Variants in LETM1 observed in about 807,000 individuals in gnomAD.
LETM1 encodes the protein mitochondrial proton/calcium exchanger protein.
Under a neutral mutation model 74.5 loss-of-function variants are expected in LETM1, and 50 were observed. The ratio of observed to expected loss-of-function variants is 0.67; its 90% CI spans 0.53 to 0.85. LETM1 has a LOEUF of 0.85. Among genes scored for constraint, LETM1 ranks in the 40% least tolerant of loss-of-function variants. The pLI, the probability that LETM1 is intolerant of heterozygous loss-of-function variation, is 0.00. For missense variants in LETM1, 824 were observed against 967.8 expected, an observed-to-expected ratio of 0.85 and a Z score of 1.97; for synonymous variants, 446 against 407.1, an observed-to-expected ratio of 1.10 and a Z score of -1.15.
intron 2 of LETM1, among the ~76,000 whole-genome samples, chr4:1,847,164 T>C (rs947281139): frequency 2.0e-5 from 3 of 151,828 alleles, no homozygotes; most frequent in Non-Finnish European, 4.4e-5. Context: ...AGAACCTGTC[T>C]CTACAAAAAA....
At chr4:1,833,597 A>G (rs1360790580) in intron 5 of LETM1, 7 of 157,390 alleles carry the variant, frequency 4.4e-5, no homozygotes, top group Admixed American at 4.2e-4. Flanking sequence ...AGGGGTGGCC[A>G]TCTAGCTCTT....
chr4:1,813,996 G>A lies in LETM1; in HGVS notation c.*428C>T, dbSNP rs1207988856. On this transcript the variant is annotated 3_prime_UTR_variant, in exon 14 of 14. Transcript: ENST00000302787. ...ATGGAGGCATCTTCAGCCCTGAGGA[G>A]GCCAGGCTGTGTCTCCTGACGCCCC... is the stretch of plus-strand genomic sequence containing the variant. 1.4e-5 allele frequency: 3 copies of A among 213,070 alleles called. No homozygotes were observed. The highest frequency in any genetic ancestry group is 8.9e-5 in the South Asian group (1 of 11,242). 13.2% of individuals were successfully genotyped at this position (213,070 alleles called of 1,614,324 possible).
rs756689184 is a variant in LETM1 at position 1,834,916 on chromosome 4, C to T, written c.805G>A (p.Glu269Lys). The T allele has an allele frequency of 8.7e-6, 14 of 1,614,050 alleles. No individual in the cohort carries two copies. The highest frequency in any genetic ancestry group is 4.4e-5 in the South Asian group (4 of 91,090). Residue 269 changes from glutamate to lysine, a missense_variant, in exon 5 of 14, where the codon GAG becomes AAG. Glu to Lys is a moderately conservative substitution (Grantham distance 56). Coordinates refer to ENST00000302787, the MANE Select transcript of LETM1 (RefSeq NM_012318.3). This position sits in a 1 kb window ranked among gnomAD's most constrained non-coding sequence, Gnocchi z 5.0. The stretch of plus-strand genomic sequence containing the variant: ...GCCTTGTTCTTCAAGGCCATCTCCT[C>T]GATGGTGTCCTGGAGGAACTTGGCC... ...ELAKFLQDTI[E>K]EMALKNKAAK...
At chr4:1,829,210 G>A (rs1314237177) in intron 6 of LETM1, among the ~76,000 whole-genome samples, 6 of 137,842 alleles carry the variant, frequency 4.4e-5, no homozygotes, top group African/African-American at 8.2e-5. Context: ...GCGGCTGGCC[G>A]GGCGGGGGGC....
Position 1,819,345 on chromosome 4 carries a change from T to C in LETM1, c.1736A>G (p.Tyr579Cys). The C allele has an allele frequency of 6.2e-7, 1 of 1,611,082 alleles. No homozygotes were observed. The highest frequency in any genetic ancestry group is 8.5e-7 in the Non-Finnish European group (1 of 1,179,116). Reference sequence around the variant, plus strand: ...GGAGCAAATCCCACCCACCTCGCTGTAGTCCTGCACATCCTCCTTCAGCAG... The same window carrying C: ...GGAGCAAATCCCACCCACCTCGCTGCAGTCCTGCACATCCTCCTTCAGCAG... ...LELLKEDVQD[Y>C]SEDLQEIKKE... The change falls in exon 11 of 14, where the codon TAC becomes TGC. Residue 579 changes from tyrosine (Y) to cysteine (C), a missense_variant. Tyr to Cys is a radical substitution (Grantham distance 194). Transcript: ENST00000302787.
At position 1,815,772 on chromosome 4, in the gene LETM1, G is replaced by T. The variant is rs147463751; in HGVS notation, c.1962C>A (p.Ile654=). The T allele has an allele frequency of 2.4e-5, 39 of 1,614,062 alleles. No homozygotes were observed. Among genetic ancestry groups the T allele is most frequent in the Non-Finnish European group, 3.2e-5 (38 of 1,180,028 alleles). The stretch of plus-strand genomic sequence containing the variant: ...TGTGCTTGACTTGCTTCATGGCGTT[G>T]ATGAGCTCAGCGACACTGATGACGT... ...GENVISVAEL[I]NAMKQVKHIP... is the part of the protein sequence containing the mutation. The change falls in exon 13 of 14, where the codon ATC becomes ATA. Residue 654 remains isoleucine, a synonymous_variant. Coordinates refer to ENST00000302787, the MANE Select transcript of LETM1 (RefSeq NM_012318.3).
At chr4:1,823,927 T>C (rs1711889617) in intron 7 of LETM1, 152 bp from the exon 8 acceptor site, 1 of 908,152 alleles carries the variant, frequency 1.1e-6, no homozygotes, top group Non-Finnish European at 1.6e-6. Flanking sequence ...CGTGACCCGA[T>C]GACGGCGTTA....
intron 13 of LETM1, among the ~76,000 whole-genome samples, chr4:1,815,256 C>T (rs747951850): frequency 1.3e-4 from 20 of 152,146 alleles, no homozygotes; most frequent in Non-Finnish European, 2.2e-4. Context: ...AGCTGCCCCG[C>T]GGCTCCCCTG....
chr4:1,814,570 T>C lies in LETM1; in HGVS notation c.2074A>G (p.Ile692Val). 1 of 1,613,142 alleles carries C rather than the reference T, an allele frequency of 6.2e-7. No homozygotes were observed. The highest frequency in any genetic ancestry group is 8.5e-7 in the Non-Finnish European group (1 of 1,179,472). The change falls in exon 14 of 14, where the codon ATT becomes GTT. Residue 692 changes from isoleucine (I) to valine (V), a missense_variant. Ile to Val is a conservative substitution (Grantham distance 29). Around this residue, in one of 4 missense-constraint regions of LETM1, gnomAD observed 161 missense variants for 252.7 expected, o/e 0.64. Transcript: ENST00000302787. ...ACATCTTCTTTGTCCACCAGCTCAA[T>C]CACCTACACACGTGGGAAAGGGAGA... ...KVNIDDLVKV[I>V]ELVDKEDVHI...
intron 1 of LETM1, among the ~76,000 whole-genome samples, chr4:1,852,136 G>T (rs1713089403): frequency 6.6e-6 from 1 of 152,066 alleles, no homozygotes; most frequent in Non-Finnish European, 1.5e-5. Context: ...GACCTCACAG[G>T]GTACGGGCTC....
rs908344906 is a variant in LETM1, at chr4:1,811,754, CAGA to C, written c.*2667_*2669del. ...AAAAAAAGTCTGGACTGTGACACTG[CAGA>C]AGGAGTCTGAAAGCCCAATTCCTGA... On this transcript the variant is annotated 3_prime_UTR_variant, in exon 14 of 14. Transcript: ENST00000302787. 4.6e-5 allele frequency: 7 copies of C among 152,472 alleles called. No homozygotes were observed. Among genetic ancestry groups the C allele is most frequent in the Middle Eastern group, 3.4e-3 (1 of 294 alleles). 9.4% of individuals were successfully genotyped at this position (152,472 alleles called of 1,614,324 possible).
In LETM1 at chr4:1,855,995, T is replaced by C; in HGVS notation, c.-45A>G. 8.8e-7 allele frequency: 1 copy of C among 1,140,342 alleles called. No homozygotes were observed. Among genetic ancestry groups the C allele is most frequent in the Non-Finnish European group, 1.1e-6 (1 of 913,648 alleles). 70.6% of individuals were successfully genotyped at this position (1,140,342 alleles called of 1,614,324 possible). ...GCTCCGGCCTCCTGCGCTGCCTCCTTCTCCGCGGCGGCCGCGGCTCTTCGC... is the reference window on the plus strand; with the variant it reads ...GCTCCGGCCTCCTGCGCTGCCTCCTCCTCCGCGGCGGCCGCGGCTCTTCGC... On this transcript the variant is annotated 5_prime_UTR_variant, in exon 1 of 14. Transcript: ENST00000302787.
intron 2 of LETM1, chr4:1,843,023 T>C: frequency 2.6e-6 from 1 of 380,380 alleles, no homozygotes; most frequent in Non-Finnish European, 5.3e-6. Context: ...GCCATGTGTG[T>C]CGCATAACTT....
At position 1,841,357 on chromosome 4, in the gene LETM1, T is replaced by C. The variant is rs752365763; in HGVS notation, c.584A>G (p.Glu195Gly). Reference sequence around the variant, plus strand: ...ACATGTCCCCATTACCTGCCTGCGCTCCCGGCGGGTCAGGCTGTGGCCGTT... The same window carrying C: ...ACATGTCCCCATTACCTGCCTGCGCCCCCGGCGGGTCAGGCTGTGGCCGTT... ...ILNGHSLTRR[E>G]RRQFLRICAD... The change falls in exon 3 of 14, where the codon GAG becomes GGG. Residue 195 changes from glutamate (E) to glycine (G), a missense_variant. Coordinates refer to ENST00000302787, the MANE Select transcript of LETM1 (RefSeq NM_012318.3). 4 of 1,611,696 alleles carry C rather than the reference T, an allele frequency of 2.5e-6. No homozygotes were observed. Among genetic ancestry groups the C allele is most frequent in the Non-Finnish European group, 3.4e-6 (4 of 1,178,168 alleles).
intron 6 of LETM1, among the ~76,000 whole-genome samples, chr4:1,830,562 G>A (rs953753245): frequency 5.9e-5 from 9 of 152,190 alleles, no homozygotes; most frequent in Non-Finnish European, 1.2e-4. Context: ...TCAAACTACC[G>A]GGCTCAAGCA....
At chr4:1,832,046 A>T (rs1226351270) in intron 6 of LETM1, among the ~76,000 whole-genome samples, 1 of 152,208 alleles carries the variant, frequency 6.6e-6, no homozygotes, top group African/African-American at 2.4e-5. Flanking sequence ...CATGCCTGTA[A>T]TCCCAGCACT....
chr4:1,831,119 C>G lies in LETM1; in HGVS notation c.1080+1625G>C, dbSNP rs192269198. On this transcript the variant is annotated intron_variant, in intron 6 of 13. Coordinates refer to ENST00000302787, the MANE Select transcript of LETM1 (RefSeq NM_012318.3). Reference sequence around the variant, plus strand: ...ACAAGGAAGGCAGCCATCGTCCCCCCCAGCTTACTGCTCCCCATGGGTGTG... The same window carrying G: ...ACAAGGAAGGCAGCCATCGTCCCCCGCAGCTTACTGCTCCCCATGGGTGTG... 1.1e-4 allele frequency among the ~76,000 whole-genome samples: 16 copies of G among 152,344 alleles called. No individual in the cohort carries two copies. In the South Asian group the frequency reaches 2.3e-3, roughly 22 times the overall value.
intron 2 of LETM1, among the ~76,000 whole-genome samples, chr4:1,848,602 G>A (rs1413902221): frequency 6.7e-6 from 1 of 149,044 alleles, no homozygotes; most frequent in Non-Finnish European, 1.5e-5. Context: ...TGCAATCCCA[G>A]CTACTCGGGA....
rs1722536617 is a variant in LETM1 at position 1,813,862 on chromosome 4, A to G, written c.*562T>C. The G allele has an allele frequency of 6.4e-6, 1 of 157,012 alleles. No homozygotes were observed. Among genetic ancestry groups the G allele is most frequent in the African/African-American group, 2.4e-5 (1 of 41,504 alleles). The allele number at this position is 157,012 out of a possible 1,614,324, so 9.7% of individuals were successfully genotyped here. Reference sequence around the variant, plus strand: ...AGGGAGACGTCACTCTCCAGAGGCCACAGAGATGGCAGACACCTCTGTCTC... The same window carrying G: ...AGGGAGACGTCACTCTCCAGAGGCCGCAGAGATGGCAGACACCTCTGTCTC... On this transcript the variant is annotated 3_prime_UTR_variant, in exon 14 of 14. Transcript: ENST00000302787.
Sources: gnomAD v4.1 joint callset for allele counts (sites outside exome capture counted in the v4.1 genomes callset) on GRCh38, gnomAD v4.1.1 for gene constraint, gnomAD v4.1.1 regional missense constraint, Gnocchi (gnomAD v3.1) non-coding constraint, MANE v1.5 for transcripts, NCBI Gene and HGNC (gene_info 2026-07-23, HGNC 2026-07-21) for gene names.